The following TKT variants were observed in gnomAD, a reference collection of about 807,000 sequenced individuals.
The protein encoded by TKT is epididymis luminal protein 107.
Under a neutral mutation model 63.9 loss-of-function variants are expected in TKT, and 47 were observed. That is an observed-to-expected ratio of 0.74 (90% CI 0.58 to 0.94). TKT has a LOEUF of 0.94. Among genes scored for constraint, TKT ranks in the 40% least tolerant of loss-of-function variants. The pLI is 0.00. For missense variants in TKT, 721 were observed against 846.2 expected, an observed-to-expected ratio of 0.85 and a Z score of 1.84; for synonymous variants, 338 against 334.1, an observed-to-expected ratio of 1.01 and a Z score of -0.13.
At chr3:53,243,290 C>G (rs1421976940) in intron 1 of TKT, among the ~76,000 whole-genome samples, 1 of 152,070 alleles carries the variant, frequency 6.6e-6, no homozygotes, top group Non-Finnish European at 1.5e-5. Context: ...AGTTCAGCCT[C>G]AGGGCACAGG....
At chr3:53,248,026 T>A (rs1360725859) in intron 1 of TKT, among the ~76,000 whole-genome samples, 2 of 152,298 alleles carry the variant, frequency 1.3e-5, no homozygotes, top group Non-Finnish European at 2.9e-5. Context: ...ACATGATGTA[T>A]CCTAGTAACC....
chr3:53,248,109 G>C (rs184358674), intron 1 of TKT, among the ~76,000 whole-genome samples: 1 of 152,294 alleles, frequency 6.6e-6, no homozygotes, highest in African/African-American at 2.4e-5. Flanking sequence ...CTGACTAAAT[G>C]ATGTAGTGTG....
chr3:53,226,911 G>T lies in TKT; in HGVS notation c.1574-33C>A. On this transcript the variant is annotated intron_variant, in intron 12 of 13. Transcript: ENST00000462138. ...GGAGAGCACACGGCGTGGCTGAGGG[G>T]AGGGCTGGGCACCACTATCTGCCCT... The T allele has an allele frequency of 3.2e-6, 5 of 1,573,048 alleles. No homozygotes were observed. The South Asian group carries it at 3.6e-5, about 11-fold the overall frequency.
At chr3:53,255,736 G>C (rs569622503) in intron 1 of TKT, 100 bp downstream of exon 1, 3 of 766,842 alleles carry the variant, frequency 3.9e-6, no homozygotes, top group Non-Finnish European at 5.3e-6. Flanking sequence ...TCCTCGTCTA[G>C]GCATCTCGCA....
At position 53,240,345 on chromosome 3, in the gene TKT, G is replaced by C; in HGVS notation, c.343C>G (p.Gln115Glu). Residue 115 changes from glutamine to glutamate, a missense_variant, in exon 4 of 14, where the codon CAA (glutamine) becomes GAA (glutamate). By Grantham distance (29) the Gln-to-Glu change is conservative. Transcript: ENST00000462138. ...SDLDGHPVPK[Q>E]AFTDVATGSL... ...CCAGTGGCCACGTCGGTGAAAGCTT[G>C]TTTCTGTCATAACAGAAGGCCACCG... 6.2e-7 allele frequency: 1 copy of C among 1,611,706 alleles called. No homozygotes were observed. Among genetic ancestry groups the C allele is most frequent in the Non-Finnish European group, 8.5e-7 (1 of 1,178,446 alleles).
At chr3:53,254,131 T>C (rs1384905667) in intron 1 of TKT, among the ~76,000 whole-genome samples, 4 of 152,250 alleles carry the variant, frequency 2.6e-5, no homozygotes, top group Non-Finnish European at 5.9e-5. Context: ...CTGCATGTTT[T>C]ATCTAGCCCT....
intron 4 of TKT, 169 bp from the exon 5 acceptor site, chr3:53,235,343 C>A: frequency 1.8e-6 from 1 of 566,344 alleles, no homozygotes; most frequent in East Asian, 3.0e-5. Flanking sequence ...CAGGTTCCTG[C>A]AGCCTACCAC....
intron 6 of TKT, chr3:53,232,170 G>A: frequency 2.5e-6 from 1 of 395,316 alleles, no homozygotes; most frequent in East Asian, 3.6e-5. Flanking sequence ...AGAACAGACT[G>A]AACTCCCAGG....
intron 4 of TKT, chr3:53,235,515 G>C (rs1434389465): frequency 5.4e-6 from 1 of 184,268 alleles, no homozygotes; most frequent in Non-Finnish European, 1.1e-5. Flanking sequence ...AAGGGTGGGT[G>C]AATAGGCTTG....
At chr3:53,232,583 T>G in intron 6 of TKT, 1 of 398,658 alleles carries the variant, frequency 2.5e-6, no homozygotes, top group Non-Finnish European at 4.4e-6. Flanking sequence ...ATCCCAGGCC[T>G]AGGAATCTGA....
At chr3:53,236,847 A>T (rs1248788059) in intron 4 of TKT, among the ~76,000 whole-genome samples, 2 of 152,230 alleles carry the variant, frequency 1.3e-5, no homozygotes, top group African/African-American at 4.8e-5. Flanking sequence ...GGGGTTGTGA[A>T]CAGGGAAGGG....
In TKT at chr3:53,235,062, T is replaced by A; in HGVS notation, c.550A>T (p.Ile184Phe). The A allele has an allele frequency of 6.2e-7, 1 of 1,613,974 alleles. No homozygotes were observed. The highest frequency in any genetic ancestry group is 8.5e-7 in the Non-Finnish European group (1 of 1,180,016). The change falls in exon 5 of 14, where the codon ATC becomes TTC. Residue 184 changes from isoleucine to phenylalanine, a missense_variant. Ile to Phe is a conservative substitution (Grantham distance 21). Coordinates refer to ENST00000462138, the MANE Select transcript of TKT (RefSeq NM_001064.4). ...GGGTCACTCTGGCCCAGGCGATTGA[T>A]GTCTAGAATGGCCACAAGGTTGTCC... ...KLDNLVAILD[I>F]NRLGQSDPAP... is the part of the protein sequence containing the mutation.
At chr3:53,236,031 A>G (rs1024705180) in intron 4 of TKT, among the ~76,000 whole-genome samples, 1 of 152,238 alleles carries the variant, frequency 6.6e-6, no homozygotes, top group Non-Finnish European at 1.5e-5. Context: ...GAAGTTGCTG[A>G]GCCAGGATTC....
chr3:53,252,038 G>A (rs1705773118), intron 1 of TKT, among the ~76,000 whole-genome samples: 1 of 152,350 alleles, frequency 6.6e-6, no homozygotes, highest in South Asian at 2.1e-4. Flanking sequence ...TACTTGGGAG[G>A]CTGAGGCAGG....
chr3:53,232,748 G>A (rs1183183335), intron 6 of TKT: 3 of 402,176 alleles, frequency 7.5e-6, no homozygotes, highest in African/African-American at 4.1e-5. Context: ...CCTCCTGGAG[G>A]GAACAGTTCT....
Position 53,225,668 on chromosome 3 carries a change from T to G in TKT, c.*88A>C. ...GCCAATTCATTTTTCTCAAAACATA[T>G]ATTTACCCCTCCTCTCAGTACATCT... On this transcript the variant is annotated 3_prime_UTR_variant, in exon 14 of 14. Coordinates refer to ENST00000462138, the MANE Select transcript of TKT (RefSeq NM_001064.4). 7.2e-7 allele frequency: 1 copy of G among 1,379,632 alleles called. No homozygotes were observed. The highest frequency in any genetic ancestry group is 1.5e-5 in the South Asian group (1 of 65,288). The allele number at this position is 1,379,632 out of a possible 1,614,324, so 85.5% of individuals were successfully genotyped here.
Position 53,225,629 on chromosome 3 carries a change from G to A in TKT, c.*127C>T. The A allele has an allele frequency of 8.4e-7, 1 of 1,186,794 alleles. No individual in the cohort carries two copies. The highest frequency in any genetic ancestry group is 1.2e-6 in the Non-Finnish European group (1 of 867,152). 73.5% of individuals were successfully genotyped at this position (1,186,794 alleles called of 1,614,324 possible). A position where few individuals can be genotyped will look rare whatever the true frequency, so the allele number is the denominator to read the frequency against. The stretch of plus-strand genomic sequence containing the variant: ...CACTGGCTGCAAACACATCAAAAAA[G>A]AAAACATTTCAGGGCCAATTCATTT... On this transcript the variant is annotated 3_prime_UTR_variant, in exon 14 of 14. Coordinates refer to ENST00000462138, the MANE Select transcript of TKT (RefSeq NM_001064.4).
chr3:53,229,856 C>T (rs1213459206), intron 8 of TKT, among the ~76,000 whole-genome samples: 2 of 152,206 alleles, frequency 1.3e-5, no homozygotes, highest in African/African-American at 4.8e-5. Context: ...CTCTGGAGAT[C>T]TGAGTGCCCT....
In TKT at chr3:53,233,108, T is replaced by C. The variant is rs113815803; in HGVS notation, c.748+48A>G. On this transcript the variant is annotated intron_variant, in intron 6 of 13. Transcript: ENST00000462138. ...GCGGGTCAGAGCTACGTAGCCACAG[T>C]GTCTGGGCGAGGGGTGAAGGTGGGG... The C allele has an allele frequency of 6.8e-3, 10,307 of 1,523,292 alleles. 519 individuals carry two copies. The South Asian group carries it at 0.095, about 14-fold the overall frequency. The allele number at this position is 1,523,292 out of a possible 1,614,324, so 94.4% of individuals were successfully genotyped here. A position where few individuals can be genotyped will look rare whatever the true frequency, so the allele number is the denominator to read the frequency against.
Sources: gnomAD v4.1 joint callset for allele counts (sites outside exome capture counted in the v4.1 genomes callset) on GRCh38, gnomAD v4.1.1 for gene constraint, MANE v1.5 for transcripts, NCBI Gene and HGNC (gene_info 2026-07-23, HGNC 2026-07-21) for gene names.